NFIA: variants seen among roughly 807,000 people sequenced by gnomAD.
NFIA encodes nuclear factor 1 A-type.
NFIA carries 8 observed loss-of-function variants against 62.8 expected under a neutral mutation model. The ratio of observed to expected loss-of-function variants is 0.13; its 90% CI spans 0.07 to 0.23. NFIA has a LOEUF of 0.23. NFIA is among the 10% of genes least tolerant of loss of function. The pLI is 1.00. For synonymous variants in NFIA, 235 were observed against 238.1 expected, an observed-to-expected ratio of 0.99 and a Z score of 0.12; for missense variants, 410 against 642.1, an observed-to-expected ratio of 0.64 and a Z score of 3.91.
intron 2 of NFIA, among the ~76,000 whole-genome samples, chr1:61,244,420 C>T (rs762313318): frequency 3.9e-5 from 6 of 152,152 alleles, no homozygotes; most frequent in Non-Finnish European, 7.3e-5. Context: ...CTTTCCTCCC[C>T]ACATTGTGGT....
intron 3 of NFIA, among the ~76,000 whole-genome samples, chr1:61,316,246 G>T (rs1245904299): frequency 6.6e-6 from 1 of 152,084 alleles, no homozygotes; most frequent in Non-Finnish European, 1.5e-5. Context: ...AGGAGTAGAG[G>T]GTATGGCTGA....
chr1:61,300,153 G>A lies in NFIA; in HGVS notation c.625+22568G>A, dbSNP rs1659418690. ...TCCGCATTTCCACAGTAATTACCATGCTTACCAGTAAGATACAATTCATCT... is the reference window on the plus strand; with the variant it reads ...TCCGCATTTCCACAGTAATTACCATACTTACCAGTAAGATACAATTCATCT... On this transcript the variant is annotated intron_variant, in intron 3 of 10. Transcript: ENST00000403491. Among the ~76,000 whole-genome samples the A allele has an allele frequency of 2.0e-5, 3 of 152,062 alleles. No homozygotes were observed. The South Asian group carries it at 6.2e-4, about 32-fold the overall frequency.
chr1:61,447,414 A>G (rs1297379073), intron 10 of NFIA, among the ~76,000 whole-genome samples: 1 of 152,168 alleles, frequency 6.6e-6, no homozygotes, highest in East Asian at 1.9e-4. Flanking sequence ...CTGTCTTCTG[A>G]TATTTGTTGG....
At chr1:61,147,732 T>C (rs1487960520) in intron 2 of NFIA, among the ~76,000 whole-genome samples, 2 of 152,046 alleles carry the variant, frequency 1.3e-5, no homozygotes, top group Non-Finnish European at 2.9e-5. Flanking sequence ...TTTCACCTAG[T>C]AGTGCTTAAT....
upstream of NFIA, chr1:61,081,700 C>G: frequency 1.7e-6 from 1 of 588,000 alleles, no homozygotes; most frequent in South Asian, 2.0e-5. Flanking sequence ...TTTCTCCAGA[C>G]CCCCGCCCCC....
intron 6 of NFIA, among the ~76,000 whole-genome samples, chr1:61,376,025 G>T (rs935933117): frequency 7.9e-5 from 12 of 152,052 alleles, no homozygotes; most frequent in Admixed American, 7.9e-4. Context: ...CATTATACGT[G>T]ATCTCTCAGT....
At position 61,456,690 on chromosome 1, in the gene NFIA, A is replaced by AATG. The variant is rs145487159; in HGVS notation, c.*1375_*1377dup. On this transcript the variant is annotated 3_prime_UTR_variant, in exon 11 of 11. Coordinates refer to ENST00000403491, the MANE Select transcript of NFIA (RefSeq NM_001134673.4). ...TAATAGTAATAATAATAATAATAAT[A>AATG]ATGATGAAACCAATACTGACACAAA... The AATG allele has an allele frequency of 6.7e-6, 1 of 149,132 alleles. No individual in the cohort carries two copies. Among genetic ancestry groups the AATG allele is most frequent in the African/African-American group, 2.5e-5 (1 of 40,614 alleles). 9.2% of individuals were successfully genotyped at this position (149,132 alleles called of 1,614,324 possible).
In NFIA at chr1:61,458,771, T is replaced by C. The variant is rs1417204691; in HGVS notation, c.*3451T>C. 6.6e-6 allele frequency: 1 copy of C among 151,634 alleles called. No individual in the cohort carries two copies. The highest frequency in any genetic ancestry group is 2.4e-5 in the African/African-American group (1 of 41,262). 9.4% of individuals were successfully genotyped at this position (151,634 alleles called of 1,614,324 possible). On this transcript the variant is annotated 3_prime_UTR_variant, in exon 11 of 11. Coordinates refer to ENST00000403491, the MANE Select transcript of NFIA (RefSeq NM_001134673.4). ...AGCATATTCCTATGCTTGAGAAGTA[T>C]AGGTCTACTGAAAAACCATTGTAAA... is the stretch of plus-strand genomic sequence containing the variant.
intron 9 of NFIA, among the ~76,000 whole-genome samples, chr1:61,411,336 G>T (rs1021391121): frequency 1.3e-5 from 2 of 152,040 alleles, no homozygotes; most frequent in Non-Finnish European, 2.9e-5. Context: ...GTGGGGGTGG[G>T]GCAAGAATAA....
At chr1:61,209,753 G>A (rs1402390031) in intron 2 of NFIA, among the ~76,000 whole-genome samples, 1 of 152,092 alleles carries the variant, frequency 6.6e-6, no homozygotes, top group African/African-American at 2.4e-5. Context: ...TCGGAAGGGT[G>A]AGGCAGGAGA....
intron 2 of NFIA, among the ~76,000 whole-genome samples, chr1:61,220,515 A>G (rs975111902): frequency 3.9e-5 from 6 of 152,264 alleles, no homozygotes; most frequent in African/African-American, 1.2e-4. Flanking sequence ...TATAGTTAAA[A>G]GAAATTAGAG....
intron 2 of NFIA, among the ~76,000 whole-genome samples, chr1:61,131,812 T>C (rs745747665): frequency 2.7e-4 from 41 of 152,152 alleles, no homozygotes; most frequent in Non-Finnish European, 4.6e-4. Flanking sequence ...TGGTTGAATT[T>C]TTTTCTGATA....
intron 2 of NFIA, among the ~76,000 whole-genome samples, chr1:61,257,172 G>A (rs187890073): frequency 7.8e-4 from 118 of 152,200 alleles, no homozygotes; most frequent in Non-Finnish European, 1.2e-3. Flanking sequence ...GGTACCCAGA[G>A]AATTGAGGCA....
At chr1:61,228,753 A>G (rs2100628094) in intron 2 of NFIA, among the ~76,000 whole-genome samples, 1 of 152,268 alleles carries the variant, frequency 6.6e-6, no homozygotes, top group East Asian at 1.9e-4. Context: ...CCTGAAGATC[A>G]TATTAGTAGT....
chr1:61,083,713 C>G (rs974963401), intron 1 of NFIA, among the ~76,000 whole-genome samples: 5 of 151,460 alleles, frequency 3.3e-5, no homozygotes, highest in Admixed American at 6.6e-5. Flanking sequence ...AGTTGGGCTC[C>G]TAGCCGGGAG....
At chr1:61,447,678 G>A (rs1667872592) in intron 10 of NFIA, among the ~76,000 whole-genome samples, 2 of 152,148 alleles carry the variant, frequency 1.3e-5, no homozygotes. Flanking sequence ...CGTGGCGCAG[G>A]CTCAATTTAA....
intron 5 of NFIA, among the ~76,000 whole-genome samples, chr1:61,353,132 GC>G (rs1662644416): frequency 6.6e-6 from 1 of 152,004 alleles, no homozygotes; most frequent in Non-Finnish European, 1.5e-5. Flanking sequence ...TTCCCACCGA[GC>G]CCCCAAAGCT....
intron 3 of NFIA, among the ~76,000 whole-genome samples, chr1:61,321,442 G>GGGAAGGAA (rs199717406): frequency 2.0e-5 from 3 of 151,412 alleles, no homozygotes; most frequent in Non-Finnish European, 4.4e-5. Flanking sequence ...AGGAAAGGAA[G>GGGAAGGAA]GGAAGGAAGG....
Position 61,082,716 on chromosome 1 carries a change from CCT to C in NFIA, c.-70_-69del, listed in dbSNP as rs1370132813. The stretch of plus-strand genomic sequence containing the variant: ...TCTCTCTTCCTCTCTCCCTCTTTCT[CCT>C]CTCTCACCCACACTCACGCACACCT... On this transcript the variant is annotated 5_prime_UTR_variant, in exon 1 of 11. Transcript: ENST00000403491. 20 of 1,546,894 alleles carry C rather than the reference CCT, an allele frequency of 1.3e-5. No individual in the cohort carries two copies. Among genetic ancestry groups the C allele is most frequent in the Middle Eastern group, 1.7e-4 (1 of 5,992 alleles).
Sources: allele counts gnomAD v4.1 joint callset (sites outside exome capture counted in the v4.1 genomes callset), GRCh38; gene constraint gnomAD v4.1.1; transcripts MANE v1.5; gene names NCBI Gene and HGNC (gene_info 2026-07-23, HGNC 2026-07-21).